The following GSE1 variants were observed in gnomAD, a reference collection of about 807,000 sequenced individuals.
The protein encoded by GSE1 is Gse1 coiled-coil protein, also known as genetic suppressor element 1.
GSE1 carries 32 observed loss-of-function variants against 112.6 expected under a neutral mutation model. The ratio of observed to expected loss-of-function variants is 0.28; its 90% CI spans 0.21 to 0.38. The LOEUF is 0.38. Ranked by LOEUF, GSE1 falls within the 10% of genes least tolerant of loss-of-function variation. The pLI is 1.00. For synonymous variants in GSE1, 1,115 were observed against 735.6 expected (o/e 1.52, Z -8.35); for missense variants, 2,348 against 1,699.2 (o/e 1.38, Z -6.71).
intron 2 of GSE1, among the ~76,000 whole-genome samples, chr16:85,546,662 C>T (rs556589921): frequency 6.6e-6 from 1 of 152,342 alleles, no homozygotes; most frequent in South Asian, 2.1e-4. Context: ...CTCGCACAGG[C>T]AGCTCTTCCG....
At chr16:85,256,206 CG>C (rs1347942134) in intron 1 of GSE1, among the ~76,000 whole-genome samples, 3 of 143,996 alleles carry the variant, frequency 2.1e-5, no homozygotes, top group African/African-American at 7.6e-5. Flanking sequence ...CGGACAGCAC[CG>C]GGGGGTGGAG....
At chr16:85,546,667 C>T (rs907837332) in intron 2 of GSE1, among the ~76,000 whole-genome samples, 3 of 152,222 alleles carry the variant, frequency 2.0e-5, no homozygotes, top group Non-Finnish European at 4.4e-5. Context: ...ACAGGCAGCT[C>T]TTCCGGGCCA....
intron 2 of GSE1, among the ~76,000 whole-genome samples, chr16:85,429,657 C>T (rs185569105): frequency 2.6e-5 from 4 of 152,182 alleles, no homozygotes; most frequent in African/African-American, 9.7e-5. Flanking sequence ...TGGCTCTGCT[C>T]CAGCCCCACA....
chr16:85,382,974 C>T (rs2047589457), intron 2 of GSE1, among the ~76,000 whole-genome samples: 1 of 147,320 alleles, frequency 6.8e-6, no homozygotes, highest in South Asian at 2.1e-4. Flanking sequence ...CACATGCACG[C>T]TCACACGCAC....
In GSE1 at chr16:85,317,879, G is replaced by A. The variant is rs142142723; in HGVS notation, c.2284-39584G>A. Among the ~76,000 whole-genome samples the A allele has an allele frequency of 5.9e-5, 9 of 152,346 alleles. No homozygotes were observed. The East Asian group carries it at 9.7e-4, about 16-fold the overall frequency. ...TAAGAGGGAAACTATCGTGTGAATC[G>A]TCAGGTGTTTTGGACATCTGCCTCA... On this transcript the variant is annotated intron_variant, in intron 1 of 2. Coordinates refer to the GSE1 transcript ENST00000637419.
At chr16:85,535,626 G>T (rs534349424) in intron 2 of GSE1, among the ~76,000 whole-genome samples, 2 of 152,188 alleles carry the variant, frequency 1.3e-5, no homozygotes, top group Non-Finnish European at 2.9e-5. Context: ...GGGGGTTGGG[G>T]TGATACTGGG....
intron 2 of GSE1, among the ~76,000 whole-genome samples, chr16:85,479,170 C>T (rs12929403): frequency 0.39 from 55,302 of 140,464 alleles, 12,341 homozygotes; most frequent in Non-Finnish European, 0.49. Flanking sequence ...TATAGGCGCC[C>T]GCCACCATGC....
intron 2 of GSE1, among the ~76,000 whole-genome samples, chr16:85,639,218 C>T (rs74411718): frequency 0.016 from 2,506 of 152,336 alleles, 18 homozygotes; most frequent in Non-Finnish European, 0.023. Flanking sequence ...GCCCTCCCTT[C>T]GACGCAGCTG....
intron 2 of GSE1, among the ~76,000 whole-genome samples, chr16:85,444,708 G>A (rs1390747626): frequency 3.9e-5 from 6 of 152,078 alleles, no homozygotes. Flanking sequence ...GCCGGGCTCC[G>A]TGTTGCTAGA....
At position 85,661,705 on chromosome 16, in the gene GSE1, C is replaced by A. The variant is rs765265161; in HGVS notation, c.2200C>A (p.Arg734=). Residue 734 remains arginine (R), a synonymous_variant, in exon 9 of 16, where the codon CGG becomes AGG. Transcript: ENST00000253458. ...YIYDEFLQQR[R]RLVSKLDLEE... is the part of the protein sequence containing the mutation. ...CTATGATGAGTTCCTGCAGCAGCGC[C>A]GGAGGCTGGTCAGCAAGCTGGACCT... 6.3e-7 allele frequency: 1 copy of A among 1,599,144 alleles called. No homozygotes were observed. Among genetic ancestry groups the A allele is most frequent in the Non-Finnish European group, 8.5e-7 (1 of 1,172,864 alleles).
At chr16:85,479,919 C>G (rs2050619167) in intron 2 of GSE1, among the ~76,000 whole-genome samples, 1 of 152,162 alleles carries the variant, frequency 6.6e-6, no homozygotes, top group Non-Finnish European at 1.5e-5. Context: ...GTTTTCTCCT[C>G]AAAGCTCTCC....
chr16:85,555,866 A>G, upstream of GSE1: 1 of 668,808 alleles, frequency 1.5e-6, no homozygotes, highest in Non-Finnish European at 1.8e-6. Flanking sequence ...GAAGATCTTA[A>G]CCCCCCAATT....
chr16:85,565,415 A>AAAC (rs1392851226), intron 1 of GSE1, among the ~76,000 whole-genome samples: 5 of 150,660 alleles, frequency 3.3e-5, no homozygotes, highest in African/African-American at 1.2e-4. Context: ...ACAAAAAAAA[A>AAAC]CAAAAAAACC....
intron 1 of GSE1, among the ~76,000 whole-genome samples, chr16:85,172,040 G>A (rs961190116): frequency 1.3e-5 from 2 of 152,228 alleles, no homozygotes; most frequent in African/African-American, 2.4e-5. Context: ...GGGATCAGGA[G>A]TGGTCTTAGG....
At chr16:85,461,897 T>TCCCA (rs2049979481) in intron 2 of GSE1, among the ~76,000 whole-genome samples, 1 of 152,026 alleles carries the variant, frequency 6.6e-6, no homozygotes, top group East Asian at 1.9e-4. Context: ...CAGGCAGCCC[T>TCCCA]GCCCCTCCTT....
chr16:85,291,885 G>A (rs2045225551), intron 1 of GSE1, among the ~76,000 whole-genome samples: 1 of 152,182 alleles, frequency 6.6e-6, no homozygotes, highest in Admixed American at 6.5e-5. Flanking sequence ...TTTCCCTCCT[G>A]CTTTTATTAG....
At chr16:85,335,273 C>T (rs531954206) in intron 1 of GSE1, among the ~76,000 whole-genome samples, 40 of 152,276 alleles carry the variant, frequency 2.6e-4, no homozygotes, top group Non-Finnish European at 5.1e-4. Context: ...TTCGCTGACA[C>T]AGCCCTTTGC....
chr16:85,197,632 T>C (rs1381114197), intron 1 of GSE1, among the ~76,000 whole-genome samples: 1 of 152,154 alleles, frequency 6.6e-6, no homozygotes, highest in Non-Finnish European at 1.5e-5. Flanking sequence ...CAGACTAAAG[T>C]CAATCCCTCT....
chr16:85,632,495 A>C (rs1227523436), intron 1 of GSE1, among the ~76,000 whole-genome samples: 22 of 152,238 alleles, frequency 1.4e-4, no homozygotes. Context: ...CTTTGGTGGC[A>C]AGTTCTGGGG....
Sources: gnomAD v4.1 joint callset for allele counts (sites outside exome capture counted in the v4.1 genomes callset) on GRCh38, gnomAD v4.1.1 for gene constraint, MANE v1.5 for transcripts, NCBI Gene and HGNC (gene_info 2026-07-23, HGNC 2026-07-21) for gene names.